The following OXCT1 variants were observed in gnomAD, a reference collection of about 807,000 sequenced individuals.
OXCT1 encodes the protein succinyl-CoA:3-ketoacid coenzyme A transferase 1, mitochondrial.
A neutral mutation model predicts 69.6 loss-of-function variants in OXCT1; 27 were observed. The observed-to-expected ratio is 0.39, with a 90% CI of 0.29 to 0.54. OXCT1 has a LOEUF of 0.54. Ranked by LOEUF, OXCT1 falls within the 20% of genes least tolerant of loss-of-function variation. The pLI, the probability that OXCT1 is intolerant of heterozygous loss-of-function variation, is 0.72. For synonymous variants in OXCT1, 202 were observed against 217.8 expected (o/e 0.93, Z 0.64); for missense variants, 437 against 650.2 (o/e 0.67, Z 3.57).
At chr5:41,830,712 C>T (rs968774497) in intron 7 of OXCT1, among the ~76,000 whole-genome samples, 2 of 152,168 alleles carry the variant, frequency 1.3e-5, no homozygotes, top group African/African-American at 4.8e-5. Context: ...TGGACAGAAG[C>T]TTCATTTTTC....
intron 15 of OXCT1, among the ~76,000 whole-genome samples, chr5:41,745,521 A>G (rs1743433438): frequency 6.6e-6 from 1 of 152,244 alleles, no homozygotes; most frequent in African/African-American, 2.4e-5. Flanking sequence ...CACATTCAAA[A>G]GCTAGCAGAA....
At chr5:41,860,409 A>G (rs1749678574) in intron 3 of OXCT1, among the ~76,000 whole-genome samples, 2 of 152,172 alleles carry the variant, frequency 1.3e-5, no homozygotes, top group Admixed American at 6.5e-5. Flanking sequence ...AAAGACTAGA[A>G]AAGTTTCTAT....
intron 5 of OXCT1, chr5:41,843,542 T>G (rs970143442): frequency 2.2e-6 from 1 of 456,174 alleles, no homozygotes; most frequent in Non-Finnish European, 4.4e-6. Context: ...CTACCAATTT[T>G]GGAGGGAAGA....
At chr5:41,742,939 A>T (rs986284368) in intron 15 of OXCT1, among the ~76,000 whole-genome samples, 3 of 152,180 alleles carry the variant, frequency 2.0e-5, no homozygotes, top group African/African-American at 7.2e-5. Context: ...CAATAAACAT[A>T]CATGTGCATG....
intron 1 of OXCT1, among the ~76,000 whole-genome samples, chr5:41,867,787 A>G (rs1750066689): frequency 6.6e-6 from 1 of 152,268 alleles, no homozygotes; most frequent in Non-Finnish European, 1.5e-5. Flanking sequence ...AGACAGGGTC[A>G]AGGATGAATG....
chr5:41,808,027 TATTA>T (rs925226526), intron 7 of OXCT1, among the ~76,000 whole-genome samples: 6 of 152,046 alleles, frequency 3.9e-5, no homozygotes, highest in Non-Finnish European at 5.9e-5. Flanking sequence ...AAAACTGAAA[TATTA>T]ATTAATAACT....
chr5:41,772,381 A>C (rs565848219), intron 13 of OXCT1, among the ~76,000 whole-genome samples: 1 of 152,198 alleles, frequency 6.6e-6, no homozygotes, highest in South Asian at 2.1e-4. Context: ...AAAGAGAGAG[A>C]GAGTGACTGA....
At chr5:41,824,313 T>A (rs567140649) in intron 7 of OXCT1, among the ~76,000 whole-genome samples, 5 of 152,330 alleles carry the variant, frequency 3.3e-5, no homozygotes, top group African/African-American at 1.2e-4. Context: ...GTTGTTTTCA[T>A]AATTATTAGG....
chr5:41,738,978 A>G (rs1482956527), intron 16 of OXCT1, among the ~76,000 whole-genome samples: 1 of 152,236 alleles, frequency 6.6e-6, no homozygotes. Context: ...AGAGAAAGTC[A>G]TAAGTCATAG....
chr5:41,783,869 G>A (rs949975271), intron 13 of OXCT1, among the ~76,000 whole-genome samples: 3 of 152,174 alleles, frequency 2.0e-5, no homozygotes, highest in South Asian at 4.1e-4. Flanking sequence ...ATGAAGCACA[G>A]CAAGGAGAGA....
At chr5:41,741,002 G>A (rs563347400) in intron 15 of OXCT1, among the ~76,000 whole-genome samples, 2 of 150,016 alleles carry the variant, frequency 1.3e-5, no homozygotes, top group East Asian at 2.0e-4. Context: ...CCAGGCTGGA[G>A]TGCAATGGCC....
intron 5 of OXCT1, among the ~76,000 whole-genome samples, 194 bp from the exon 6 acceptor site, chr5:41,842,975 T>C (rs1253905871): frequency 6.6e-6 from 1 of 152,146 alleles, no homozygotes; most frequent in East Asian, 1.9e-4. Context: ...TAAGGGGAGC[T>C]AAGGAAACAG....
intron 3 of OXCT1, among the ~76,000 whole-genome samples, chr5:41,859,078 C>T (rs1226238441): frequency 6.6e-6 from 1 of 152,154 alleles, no homozygotes; most frequent in African/African-American, 2.4e-5. Context: ...CCATCCTGCC[C>T]GGGGTGTGAA....
At chr5:41,788,728 T>G (rs1745769439) in intron 13 of OXCT1, among the ~76,000 whole-genome samples, 1 of 152,166 alleles carries the variant, frequency 6.6e-6, no homozygotes, top group Admixed American at 6.5e-5. Flanking sequence ...AAGACTGCTC[T>G]CTCAGTAATT....
chr5:41,759,090 G>GAAA lies in OXCT1; in HGVS notation c.1338+3018_1338+3020dup, dbSNP rs71608623. Among the ~76,000 whole-genome samples, 10 of 117,562 alleles carry GAAA rather than the reference G, an allele frequency of 8.5e-5. No individual in the cohort carries two copies. The South Asian group carries it at 1.1e-3, about 13-fold the overall frequency. 77.1% of individuals were successfully genotyped at this position (117,562 alleles called of 152,430 possible). ...AAAGAGAGCTTTGTCCAGGGAAAAT[G>GAAA]AAAAAAAAAAAAAAAAACCTGAAGC... On this transcript the variant is annotated intron_variant, in intron 14 of 16. Coordinates refer to ENST00000196371, the MANE Select transcript of OXCT1 (RefSeq NM_000436.4).
chr5:41,805,550 A>C lies in OXCT1; in HGVS notation c.955+17T>G. Reference sequence around the variant, plus strand: ...AAAGGCTATGTCTTTGCCCGGGCTCAGAAGGATAAAGGATACCATACATGC... The same window carrying C: ...AAAGGCTATGTCTTTGCCCGGGCTCCGAAGGATAAAGGATACCATACATGC... On this transcript the variant is annotated intron_variant, in intron 9 of 16. Coordinates refer to ENST00000196371, the MANE Select transcript of OXCT1 (RefSeq NM_000436.4). The C allele has an allele frequency of 6.4e-7, 1 of 1,557,018 alleles. No homozygotes were observed. Among genetic ancestry groups the C allele is most frequent in the Non-Finnish European group, 8.9e-7 (1 of 1,128,314 alleles).
At chr5:41,823,424 C>G (rs529351214) in intron 7 of OXCT1, among the ~76,000 whole-genome samples, 5 of 152,108 alleles carry the variant, frequency 3.3e-5, no homozygotes, top group Non-Finnish European at 4.4e-5. Flanking sequence ...CAAACTTGTC[C>G]ACATGAGCCT....
intron 15 of OXCT1, 78 bp downstream of exon 15, chr5:41,749,449 A>G: frequency 1.2e-6 from 1 of 828,620 alleles, no homozygotes; most frequent in Non-Finnish European, 2.1e-6. Flanking sequence ...TACTGGTGTA[A>G]TACACTCTTA....
In OXCT1 at chr5:41,865,133, A is replaced by G. The variant is rs558232042; in HGVS notation, c.79-2383T>C. 2.2e-4 allele frequency among the ~76,000 whole-genome samples: 33 copies of G among 152,298 alleles called. No homozygotes were observed. The East Asian group carries it at 4.8e-3, about 22-fold the overall frequency. On this transcript the variant is annotated intron_variant, in intron 1 of 16. Transcript: ENST00000196371. ...ACTTGAAGCTATTTTTAAATGTACA[A>G]TTAAGTTGCTATTGACTATAGTCAC...
Sources: gnomAD v4.1 joint callset for allele counts (sites outside exome capture counted in the v4.1 genomes callset) on GRCh38, gnomAD v4.1.1 for gene constraint, MANE v1.5 for transcripts, NCBI Gene and HGNC (gene_info 2026-07-23, HGNC 2026-07-21) for gene names.